Variants in MOB2 observed in about 807,000 individuals in gnomAD.
MOB2 encodes the protein MOB kinase activator 2, also known as MOB2 Mps One Binder homolog.
In MOB2, 14 loss-of-function variants were observed where a neutral mutation model predicts 27.4. That is an observed-to-expected ratio of 0.51 (90% CI 0.34 to 0.80). The LOEUF (loss-of-function observed/expected upper bound fraction) is 0.80, where lower values mean the gene tolerates loss of function less well. MOB2 is among the 30% of genes least tolerant of loss of function. MOB2 has a pLI of 0.01. For missense variants in MOB2, 304 were observed against 354.6 expected (o/e 0.86, Z 1.15); for synonymous variants, 167 against 151.8 (o/e 1.10, Z -0.74).
intron 3 of MOB2, among the ~76,000 whole-genome samples, chr11:1,477,855 T>A (rs1455649731): frequency 6.6e-6 from 1 of 152,264 alleles, no homozygotes; most frequent in Non-Finnish European, 1.5e-5. Context: ...TACATTCTCA[T>A]AAGCTGCCCA....
In MOB2 at chr11:1,469,472, C is replaced by A; in HGVS notation, c.*700G>T. 2.3e-6 allele frequency: 1 copy of A among 434,012 alleles called. No individual in the cohort carries two copies. The highest frequency in any genetic ancestry group is 4.7e-6 in the Non-Finnish European group (1 of 211,468). 26.9% of individuals were successfully genotyped at this position (434,012 alleles called of 1,614,324 possible). A position where few individuals can be genotyped will look rare whatever the true frequency, so the allele number is the denominator to read the frequency against. The stretch of plus-strand genomic sequence containing the variant: ...ACACAGGCTCTGACCTGAGAGAATT[C>A]TTTTTATTACGAGTGAACAGATGAA... On this transcript the variant is annotated 3_prime_UTR_variant, in exon 5 of 5. Transcript: ENST00000329957.
rs1847802523 is a variant in MOB2 at position 1,472,271 on chromosome 11, C to A, written c.366-852G>T. ...CCAAGGCCATGCCCACAGCGGCCGC[C>A]CCCGCAGGCCTGAACCAGGGCATGC... is the stretch of plus-strand genomic sequence containing the variant. On this transcript the variant is annotated intron_variant, in intron 3 of 4. Coordinates refer to ENST00000329957, the MANE Select transcript of MOB2 (RefSeq NM_001172223.3). The A allele has an allele frequency of 2.6e-5, 4 of 152,286 alleles. No individual in the cohort carries two copies. In the South Asian group the frequency reaches 8.3e-4, roughly 32 times the overall value. The allele number at this position is 152,286 out of a possible 1,614,324, so 9.4% of individuals were successfully genotyped here.
intron 4 of MOB2, among the ~76,000 whole-genome samples, 173 bp downstream of exon 4, chr11:1,471,122 G>A (rs1051383564): frequency 2.6e-5 from 4 of 152,230 alleles, no homozygotes; most frequent in East Asian, 1.9e-4. Flanking sequence ...CAAGGGCTCC[G>A]GCCTCACCCC....
chr11:1,471,919 G>A (rs1564908433), intron 3 of MOB2: 1 of 153,700 alleles, frequency 6.5e-6, no homozygotes, highest in Admixed American at 6.4e-5. Context: ...AGCAGAGGAG[G>A]GCGGTGGTCT....
At chr11:1,481,139 C>G (rs924076488) in intron 1 of MOB2, 25 of 627,496 alleles carry the variant, frequency 4.0e-5, no homozygotes, top group Non-Finnish European at 7.0e-5. Context: ...CCACACGGGC[C>G]CCTGCACGGA....
chr11:1,469,771 G>A lies in MOB2; in HGVS notation c.*401C>T, dbSNP rs1422843919. 4 of 481,148 alleles carry A rather than the reference G, an allele frequency of 8.3e-6. No homozygotes were observed. Among genetic ancestry groups the A allele is most frequent in the East Asian group, 6.2e-5 (1 of 16,060 alleles). The allele number at this position is 481,148 out of a possible 1,614,324, so 29.8% of individuals were successfully genotyped here. A position where few individuals can be genotyped will look rare whatever the true frequency, so the allele number is the denominator to read the frequency against. ...TCTGTGAAAGCAAGCCCCACCCCCA[G>A]AGCAGAGCAGAGACCCAGGTCTGCA... is the stretch of plus-strand genomic sequence containing the variant. On this transcript the variant is annotated 3_prime_UTR_variant, in exon 5 of 5. Transcript: ENST00000329957.
At position 1,481,260 on chromosome 11, in the gene MOB2, A is replaced by G. The variant is rs543715127; in HGVS notation, c.111-375T>C. On this transcript the variant is annotated intron_variant, in intron 1 of 4. Coordinates refer to ENST00000329957, the MANE Select transcript of MOB2 (RefSeq NM_001172223.3). ...TGCTCTTGGAAGGAAAGGAGAAGCA[A>G]ACCCTCTCACTCCTGGCTTCTTTTG... is the stretch of plus-strand genomic sequence containing the variant. 6.1e-5 allele frequency: 20 copies of G among 326,086 alleles called. No homozygotes were observed. The East Asian group carries it at 1.8e-3, about 29-fold the overall frequency. The allele number at this position is 326,086 out of a possible 1,614,324, so 20.2% of individuals were successfully genotyped here. A position where few individuals can be genotyped will look rare whatever the true frequency, so the allele number is the denominator to read the frequency against.
chr11:1,484,910 C>CA (rs373691161), intron 1 of MOB2, among the ~76,000 whole-genome samples: 6 of 152,326 alleles, frequency 3.9e-5, no homozygotes, highest in African/African-American at 1.2e-4. Flanking sequence ...TCTGCCCCCC[C>CA]AAACAGGTCA....
chr11:1,482,359 CTA>C (rs1164042528), intron 1 of MOB2, among the ~76,000 whole-genome samples: 36 of 152,360 alleles, frequency 2.4e-4, no homozygotes, highest in South Asian at 8.3e-4. Context: ...GGAGGCTGCC[CTA>C]CTGGCAGTTC....
chr11:1,482,122 C>T (rs1267325570), intron 1 of MOB2, among the ~76,000 whole-genome samples: 3 of 152,234 alleles, frequency 2.0e-5, no homozygotes, highest in Non-Finnish European at 4.4e-5. Context: ...CACCACACCC[C>T]ACCCGGGCAG....
At chr11:1,476,253 C>A (rs1847851367) in intron 3 of MOB2, among the ~76,000 whole-genome samples, 1 of 152,210 alleles carries the variant, frequency 6.6e-6, no homozygotes, top group African/African-American at 2.4e-5. Context: ...TGTTTTATTT[C>A]TTTTCCAATT....
intron 3 of MOB2, chr11:1,472,348 G>T (rs180953094): frequency 6.6e-6 from 1 of 152,346 alleles, no homozygotes; most frequent in East Asian, 1.9e-4. Flanking sequence ...GCTGTGGTGG[G>T]AGTGCTCACA....
At position 1,485,956 on chromosome 11, in the gene MOB2, A is replaced by G. The variant is rs567532491; in HGVS notation, c.110+491T>C. Among the ~76,000 whole-genome samples, 4 of 152,248 alleles carry G rather than the reference A, an allele frequency of 2.6e-5. No homozygotes were observed. The South Asian group carries it at 8.3e-4, about 32-fold the overall frequency. On this transcript the variant is annotated intron_variant, in intron 1 of 4. Coordinates refer to ENST00000329957, the MANE Select transcript of MOB2 (RefSeq NM_001172223.3). ...GGAACCCCATGCCACTTCTCTGGAC[A>G]AGGCCACACAAGGACAGACTCCGGG...
intron 3 of MOB2, 197 bp from the exon 4 acceptor site, chr11:1,471,616 G>T: frequency 1.7e-6 from 1 of 590,486 alleles, no homozygotes; most frequent in South Asian, 2.5e-5. Context: ...TCTATGGAGG[G>T]GTCTGCCTGC....
Position 1,469,628 on chromosome 11 carries a change from ACAGGAG to A in MOB2, c.*538_*543del, listed in dbSNP as rs1294798997. On this transcript the variant is annotated 3_prime_UTR_variant, in exon 5 of 5. Transcript: ENST00000329957. ...ATGGAGGAGGCAGCAGGAAGGGGTG[ACAGGAG>A]CAGGAGCAGGTGCAGGGCACCTCAC... The A allele has an allele frequency of 3.7e-5, 17 of 456,976 alleles. No individual in the cohort carries two copies. Among genetic ancestry groups the A allele is most frequent in the South Asian group, 1.4e-4 (9 of 64,576 alleles). 28.3% of individuals were successfully genotyped at this position (456,976 alleles called of 1,614,324 possible). A position where few individuals can be genotyped will look rare whatever the true frequency, so the allele number is the denominator to read the frequency against.
At chr11:1,480,323 G>C (rs953856603) in intron 3 of MOB2, 70 bp downstream of exon 3, 1 of 1,410,720 alleles carries the variant, frequency 7.1e-7, no homozygotes. Flanking sequence ...ACAGGAGCCT[G>C]GGGCAGCGGG....
chr11:1,471,479 G>T (rs1847790356), intron 3 of MOB2, 60 bp from the exon 4 acceptor site: 3 of 1,564,396 alleles, frequency 1.9e-6, no homozygotes, highest in African/African-American at 1.3e-5. Flanking sequence ...CAGCCACTGG[G>T]TCCCACCCGC....
At chr11:1,473,210 A>G (rs1207769014) in intron 3 of MOB2, 1 of 152,364 alleles carries the variant, frequency 6.6e-6, no homozygotes, top group Non-Finnish European at 1.5e-5. Flanking sequence ...ACGGGGATGC[A>G]GTGCCCACAC....
In MOB2 at chr11:1,483,003, G is replaced by A. The variant is rs552809636; in HGVS notation, c.111-2118C>T. ...TCGGTCCAAGCCAGCGGCAGCTACC[G>A]AGGAGGCCTCAGAGCACACGACACC... On this transcript the variant is annotated intron_variant, in intron 1 of 4. Transcript: ENST00000329957. Among the ~76,000 whole-genome samples, 24 of 152,348 alleles carry A rather than the reference G, an allele frequency of 1.6e-4. No homozygotes were observed. The East Asian group carries it at 4.4e-3, about 28-fold the overall frequency.
Sources: gnomAD v4.1 joint callset for allele counts (sites outside exome capture counted in the v4.1 genomes callset) on GRCh38, gnomAD v4.1.1 for gene constraint, MANE v1.5 for transcripts, NCBI Gene and HGNC (gene_info 2026-07-23, HGNC 2026-07-21) for gene names.